Variants in PRKN observed in about 807,000 individuals in gnomAD.
The protein encoded by PRKN is E3 ubiquitin-protein ligase parkin.
Under a neutral mutation model 59.5 loss-of-function variants are expected in PRKN, and 56 were observed. The ratio of observed to expected loss-of-function variants is 0.94; its 90% CI spans 0.76 to 1.18. The LOEUF (loss-of-function observed/expected upper bound fraction) is 1.18. Ranked by LOEUF, PRKN falls within the 50% of genes most tolerant of loss-of-function variation. The pLI, the probability that PRKN is intolerant of heterozygous loss-of-function variation, is 0.00. For synonymous variants in PRKN, 250 were observed against 222.1 expected, an observed-to-expected ratio of 1.13 and a Z score of -1.12; for missense variants, 657 against 596.4, an observed-to-expected ratio of 1.10 and a Z score of -1.06.
At chr6:161,433,630 T>TG (rs1224972306) in intron 9 of PRKN, among the ~76,000 whole-genome samples, 1 of 152,150 alleles carries the variant, frequency 6.6e-6, no homozygotes, top group African/African-American at 2.4e-5. Context: ...AGCCCATTCA[T>TG]GTGTTTACAA....
Position 162,664,670 on chromosome 6 carries a change from T to C in PRKN, c.7+62992A>G, listed in dbSNP as rs151118185. Among the ~76,000 whole-genome samples the C allele has an allele frequency of 8.8e-3, 1,343 of 152,314 alleles. 9 individuals carry two copies. The highest frequency in any genetic ancestry group is 0.014 in the Non-Finnish European group (955 of 68,016). ...TGATGTTGAGATTTTTTTCATATGTTTGTTGGCTGTGAAAACTTTTGAGAA... is the reference window on the plus strand; with the variant it reads ...TGATGTTGAGATTTTTTTCATATGTCTGTTGGCTGTGAAAACTTTTGAGAA... On this transcript the variant is annotated intron_variant, in intron 1 of 11. Transcript: ENST00000366898.
chr6:161,749,842 C>T (rs1198213957), intron 7 of PRKN, among the ~76,000 whole-genome samples: 2 of 152,132 alleles, frequency 1.3e-5, no homozygotes, highest in Non-Finnish European at 2.9e-5. Context: ...CACCCACATT[C>T]ACCCTGCACC....
chr6:161,733,783 A>AAAATATATAT (rs35360887), intron 7 of PRKN, among the ~76,000 whole-genome samples: 1 of 86,228 alleles, frequency 1.2e-5, no homozygotes, highest in African/African-American at 8.8e-5. Flanking sequence ...AAAAAAAAAA[A>AAAATATATAT]ATATATATAT....
chr6:161,746,777 C>G (rs533604046), intron 7 of PRKN, among the ~76,000 whole-genome samples: 33 of 146,554 alleles, frequency 2.3e-4, no homozygotes, highest in Admixed American at 6.2e-4. Flanking sequence ...ATATATATGT[C>G]TATATCTAGA....
intron 4 of PRKN, among the ~76,000 whole-genome samples, chr6:162,177,547 C>G (rs1286401846): frequency 6.6e-6 from 1 of 151,920 alleles, no homozygotes; most frequent in Admixed American, 6.6e-5. Flanking sequence ...TAAAAATATT[C>G]TATCAAAATA....
At chr6:161,759,113 G>T (rs1789078628) in intron 7 of PRKN, among the ~76,000 whole-genome samples, 1 of 151,900 alleles carries the variant, frequency 6.6e-6, no homozygotes, top group Admixed American at 6.6e-5. Flanking sequence ...AGAGGCAGAG[G>T]TTGCAGTGAG....
intron 4 of PRKN, among the ~76,000 whole-genome samples, chr6:162,181,610 G>A (rs915700357): frequency 6.6e-6 from 1 of 152,046 alleles, no homozygotes; most frequent in Non-Finnish European, 1.5e-5. Flanking sequence ...AATCCAACAT[G>A]GTACACCTGA....
At chr6:161,735,883 C>A (rs962893305) in intron 7 of PRKN, among the ~76,000 whole-genome samples, 1 of 151,942 alleles carries the variant, frequency 6.6e-6, no homozygotes, top group African/African-American at 2.4e-5. Flanking sequence ...CCATTGTACT[C>A]CAGCCTGGGC....
chr6:161,608,694 G>A (rs1046164519), intron 7 of PRKN, among the ~76,000 whole-genome samples: 7 of 151,816 alleles, frequency 4.6e-5, no homozygotes, highest in Admixed American at 1.3e-4. Flanking sequence ...CACCACGCCC[G>A]GCTAATTTTT....
intron 9 of PRKN, among the ~76,000 whole-genome samples, chr6:161,449,369 A>T (rs1027759086): frequency 6.6e-6 from 1 of 152,202 alleles, no homozygotes. Context: ...AGGTTTCAAG[A>T]TTGACATAGA....
At chr6:162,282,673 A>G (rs76143543) in intron 2 of PRKN, among the ~76,000 whole-genome samples, 1,823 of 152,340 alleles carry the variant, frequency 0.012, 41 homozygotes, top group African/African-American at 0.041. Context: ...CTCTAGAAGT[A>G]CACGGAAAAG....
At chr6:162,605,692 T>G (rs577664605) in intron 1 of PRKN, among the ~76,000 whole-genome samples, 1 of 152,132 alleles carries the variant, frequency 6.6e-6, no homozygotes, top group African/African-American at 2.4e-5. Context: ...TGTGAAGTAC[T>G]AGGGTAATGA....
chr6:161,634,601 G>C (rs748655943), intron 7 of PRKN, among the ~76,000 whole-genome samples: 9 of 152,146 alleles, frequency 5.9e-5, no homozygotes, highest in Non-Finnish European at 7.4e-5. Flanking sequence ...AAGGAGAGCT[G>C]GGGATCACCT....
chr6:162,037,440 TACAC>T (rs1271106462), intron 5 of PRKN, among the ~76,000 whole-genome samples: 1 of 151,396 alleles, frequency 6.6e-6, no homozygotes, highest in African/African-American at 2.4e-5. Context: ...TTTTCATGTG[TACAC>T]ACACACACAC....
intron 1 of PRKN, among the ~76,000 whole-genome samples, chr6:162,697,299 TAAA>T (rs1299148315): frequency 1.3e-5 from 2 of 152,030 alleles, no homozygotes; most frequent in Non-Finnish European, 2.9e-5. Flanking sequence ...TCAATGAAAA[TAAA>T]AAGATAGCAA....
intron 2 of PRKN, among the ~76,000 whole-genome samples, chr6:162,439,149 G>T (rs553944511): frequency 6.6e-6 from 1 of 152,220 alleles, no homozygotes; most frequent in Admixed American, 6.5e-5. Context: ...AGTGTTGGTG[G>T]GGACAAGGAT....
chr6:162,420,580 C>T (rs1479991648), intron 2 of PRKN, among the ~76,000 whole-genome samples: 1 of 152,152 alleles, frequency 6.6e-6, no homozygotes, highest in Non-Finnish European at 1.5e-5. Context: ...TTCCCATCTC[C>T]TTTCTAGGAG....
intron 4 of PRKN, among the ~76,000 whole-genome samples, chr6:162,137,420 T>C (rs1255533521): frequency 6.6e-6 from 1 of 152,196 alleles, no homozygotes; most frequent in Admixed American, 6.5e-5. Context: ...CTGAGACACC[T>C]AGTTCTTCAC....
intron 4 of PRKN, among the ~76,000 whole-genome samples, chr6:162,123,321 A>G (rs531489928): frequency 2.0e-5 from 3 of 152,212 alleles, no homozygotes; most frequent in East Asian, 1.9e-4. Flanking sequence ...ATACAATGGG[A>G]AAAAAAGGCA....
Sources: allele counts gnomAD v4.1 joint callset (sites outside exome capture counted in the v4.1 genomes callset), GRCh38; gene constraint gnomAD v4.1.1; transcripts MANE v1.5; gene names NCBI Gene and HGNC (gene_info 2026-07-23, HGNC 2026-07-21).